Variants in PIK3C2A observed in about 807,000 individuals in gnomAD.
The protein encoded by PIK3C2A is phosphatidylinositol-4-phosphate 3-kinase catalytic subunit type 2 alpha.
In PIK3C2A, 97 loss-of-function variants were observed where a neutral mutation model predicts 204.5. That is an observed-to-expected ratio of 0.47 (90% CI 0.40 to 0.56). The LOEUF is 0.56. PIK3C2A is among the 20% of genes least tolerant of loss of function. The pLI, the probability that PIK3C2A is intolerant of heterozygous loss-of-function variation, is 0.00. For missense variants in PIK3C2A, 1,735 were observed against 1,969.2 expected, an observed-to-expected ratio of 0.88 and a Z score of 2.25; for synonymous variants, 653 against 664.4, an observed-to-expected ratio of 0.98 and a Z score of 0.26.
At chr11:17,091,510 G>T (rs1240207016) in intron 31 of PIK3C2A, 37 bp downstream of exon 31, 2 of 1,609,720 alleles carry the variant, frequency 1.2e-6, no homozygotes, top group Non-Finnish European at 1.7e-6. Context: ...CAAGGTAAGG[G>T]TTTCCTCTAC....
chr11:17,203,497 C>G (rs1469362338), intron 1 of PIK3C2A, among the ~76,000 whole-genome samples: 1 of 152,122 alleles, frequency 6.6e-6, no homozygotes, highest in Non-Finnish European at 1.5e-5. Flanking sequence ...TATGAACAAC[C>G]TGAAAGATAC....
intron 1 of PIK3C2A, among the ~76,000 whole-genome samples, chr11:17,186,359 T>A (rs1000927301): frequency 2.6e-5 from 4 of 152,080 alleles, no homozygotes; most frequent in Admixed American, 6.6e-5. Context: ...TGCCTGCATT[T>A]CCCCCTCTAG....
intron 1 of PIK3C2A, among the ~76,000 whole-genome samples, chr11:17,207,603 G>A (rs956185889): frequency 6.6e-6 from 1 of 152,148 alleles, no homozygotes; most frequent in African/African-American, 2.4e-5. Context: ...GCCTGGTGGG[G>A]ACGCGGGCTC....
At chr11:17,202,643 T>G (rs920520989) in intron 1 of PIK3C2A, among the ~76,000 whole-genome samples, 1 of 152,252 alleles carries the variant, frequency 6.6e-6, no homozygotes. Flanking sequence ...GCTTCTAATT[T>G]ATTATGCTAA....
intron 2 of PIK3C2A, among the ~76,000 whole-genome samples, chr11:17,164,617 C>G (rs560449548): frequency 6.6e-6 from 1 of 152,280 alleles, no homozygotes; most frequent in Admixed American, 6.5e-5. Context: ...CTGATCAAGT[C>G]ATATTATTGC....
Position 17,124,462 on chromosome 11 carries a change from T to TA in PIK3C2A, c.2400-1650_2400-1649insT, listed in dbSNP as rs1849457962. Among the ~76,000 whole-genome samples the TA allele has an allele frequency of 2.0e-5, 3 of 151,990 alleles. No individual in the cohort carries two copies. In the South Asian group the frequency reaches 6.2e-4, roughly 31 times the overall value. On this transcript the variant is annotated intron_variant, in intron 13 of 32. Coordinates refer to ENST00000691414, the MANE Select transcript of PIK3C2A (RefSeq NM_002645.4). The stretch of plus-strand genomic sequence containing the variant: ...TAACACTTGCATTTGGATGTCTTTT[T>TA]TTTTTTTTTTTGAGACGGAGTCTTG...
intron 13 of PIK3C2A, among the ~76,000 whole-genome samples, chr11:17,125,965 A>T (rs1231404407): frequency 2.0e-5 from 3 of 151,896 alleles, no homozygotes; most frequent in Non-Finnish European, 4.4e-5. Flanking sequence ...CTCTACCCAA[A>T]ACACAAAAAT....
intron 3 of PIK3C2A, among the ~76,000 whole-genome samples, chr11:17,152,946 C>T (rs550405313): frequency 2.0e-5 from 3 of 151,932 alleles, no homozygotes; most frequent in Non-Finnish European, 2.9e-5. Flanking sequence ...AGTTGAAGTC[C>T]TTGAAAACAT....
chr11:17,131,894 A>T (rs761965115), intron 12 of PIK3C2A, 22 bp downstream of exon 12: 1 of 1,594,364 alleles, frequency 6.3e-7, no homozygotes, highest in African/African-American at 1.4e-5. Context: ...TGAAAGAATA[A>T]AAAGCCAGAA....
chr11:17,152,452 C>CT lies in PIK3C2A; in HGVS notation c.1170-1798dup, dbSNP rs199582421. ...TTGTGGGGTTTTTTTGTAGCGAAAT[C>CT]TTTAAGCATTTAAACATACAAAATC... is the stretch of plus-strand genomic sequence containing the variant. On this transcript the variant is annotated intron_variant, in intron 3 of 32. Transcript: ENST00000691414. Among the ~76,000 whole-genome samples, 1,428 of 152,060 alleles carry CT rather than the reference C, an allele frequency of 9.4e-3. 16 individuals are homozygous for CT. The highest frequency in any genetic ancestry group is 0.03 in the South Asian group (147 of 4,824).
chr11:17,168,641 T>C (rs755900556), intron 2 of PIK3C2A, 36 bp downstream of exon 2: 5 of 1,297,974 alleles, frequency 3.9e-6, no homozygotes, highest in African/African-American at 3.0e-5. Flanking sequence ...CTCTGTGTTA[T>C]ACTAAGTTTG....
chr11:17,102,183 T>TC (rs1340662190), intron 24 of PIK3C2A, among the ~76,000 whole-genome samples: 2 of 152,088 alleles, frequency 1.3e-5, no homozygotes, highest in Non-Finnish European at 2.9e-5. Flanking sequence ...ACGCCTGTAA[T>TC]CCCAGCACTT....
At chr11:17,104,224 T>C (rs1489674709) in intron 23 of PIK3C2A, among the ~76,000 whole-genome samples, 1 of 152,128 alleles carries the variant, frequency 6.6e-6, no homozygotes, top group African/African-American at 2.4e-5. Context: ...CATATGTAAT[T>C]CTAAATAATA....
chr11:17,110,672 A>C (rs1590917544), intron 21 of PIK3C2A, 111 bp from the exon 22 acceptor site: 4 of 849,668 alleles, frequency 4.7e-6, no homozygotes, highest in Non-Finnish European at 5.3e-6. Flanking sequence ...TGGGCAGAAC[A>C]CCTGAGGTCA....
chr11:17,111,615 G>T (rs536331754), intron 21 of PIK3C2A, among the ~76,000 whole-genome samples: 1 of 151,980 alleles, frequency 6.6e-6, no homozygotes, highest in Non-Finnish European at 1.5e-5. Context: ...GGTGGCTAAC[G>T]CCTGTAATCC....
intron 18 of PIK3C2A, among the ~76,000 whole-genome samples, chr11:17,118,392 A>T (rs1051896422): frequency 2.0e-5 from 3 of 152,138 alleles, no homozygotes; most frequent in African/African-American, 4.8e-5. Flanking sequence ...GATAACCAGA[A>T]ATGTATTTTA....
intron 6 of PIK3C2A, among the ~76,000 whole-genome samples, chr11:17,147,261 T>G (rs1200852337): frequency 6.6e-6 from 1 of 152,208 alleles, no homozygotes; most frequent in African/African-American, 2.4e-5. Context: ...TTCACTCTTG[T>G]ATAAAGCTAT....
intron 13 of PIK3C2A, among the ~76,000 whole-genome samples, chr11:17,129,005 G>C (rs911040364): frequency 1.4e-4 from 21 of 152,226 alleles, no homozygotes; most frequent in African/African-American, 4.8e-4. Flanking sequence ...GTGGTATTAT[G>C]TCAACAATGT....
chr11:17,149,334 A>C (rs1478485834), intron 4 of PIK3C2A, among the ~76,000 whole-genome samples: 1 of 152,130 alleles, frequency 6.6e-6, no homozygotes, highest in Non-Finnish European at 1.5e-5. Context: ...GTACCCATAC[A>C]AGTTAAAAAT....
Sources: gnomAD v4.1 joint callset for allele counts (sites outside exome capture counted in the v4.1 genomes callset) on GRCh38, gnomAD v4.1.1 for gene constraint, MANE v1.5 for transcripts, NCBI Gene and HGNC (gene_info 2026-07-23, HGNC 2026-07-21) for gene names.